CDC42EP5: variants seen among roughly 807,000 people sequenced by gnomAD.
The protein encoded by CDC42EP5 is CDC42 effector protein 5.
For synonymous variants in CDC42EP5, 118 were observed against 123.3 expected (o/e 0.96, Z 0.28); for missense variants, 269 against 238.0 (o/e 1.13, Z -0.86).
chr19:54,466,726 A>G (rs2084759471), intron 2 of CDC42EP5, among the ~76,000 whole-genome samples: 1 of 152,264 alleles, frequency 6.6e-6, no homozygotes, highest in Non-Finnish European at 1.5e-5. Context: ...GTTTCAAACA[A>G]TATAACAATT....
At chr19:54,465,827 G>T (rs192763578) in intron 2 of CDC42EP5, among the ~76,000 whole-genome samples, 57 of 152,102 alleles carry the variant, frequency 3.7e-4, no homozygotes, top group African/African-American at 1.3e-3. Context: ...TAGAGACGGG[G>T]TTTCACAATG....
chr19:54,469,258 T>G (rs1009201344), intron 2 of CDC42EP5, among the ~76,000 whole-genome samples: 2 of 152,082 alleles, frequency 1.3e-5, no homozygotes, highest in Admixed American at 1.3e-4. Flanking sequence ...CCTCCCAAAG[T>G]GCTGGGATTA....
intron 2 of CDC42EP5, among the ~76,000 whole-genome samples, chr19:54,466,233 AG>A (rs2084755640): frequency 1.3e-5 from 2 of 152,168 alleles, no homozygotes; most frequent in East Asian, 3.9e-4. Context: ...GCTTGAGGCC[AG>A]GAGTTCGAGA....
rs753994637 is a variant in CDC42EP5, at chr19:54,468,920, C to CTTCCTTCCTTCCTTCCTTCCTTCCTTCT, written c.-1+2624_-1+2625insAGAAGGAAGGAAGGAAGGAAGGAAGGAA. ...CCTTCCTTCCTTCCTTCCTTCCTTC[C>CTTCCTTCCTTCCTTCCTTCCTTCCTTCT]TTCTTTCTTTCTTTTCTTCCCTCCC... On this transcript the variant is annotated intron_variant, in intron 2 of 2. Transcript: ENST00000301200. 3.4e-4 allele frequency among the ~76,000 whole-genome samples: 42 copies of CTTCCTTCCTTCCTTCCTTCCTTCCTTCT among 124,008 alleles called. No homozygotes were observed. The South Asian group carries it at 5.3e-3, about 16-fold the overall frequency. The allele number at this position is 124,008 out of a possible 152,430, so 81.4% of individuals were successfully genotyped here. A position where few individuals can be genotyped will look rare whatever the true frequency, so the allele number is the denominator to read the frequency against.
chr19:54,470,415 G>C (rs2084818640), intron 2 of CDC42EP5, among the ~76,000 whole-genome samples: 1 of 147,970 alleles, frequency 6.8e-6, no homozygotes, highest in African/African-American at 2.5e-5. Context: ...GAAAAAGAGA[G>C]AGAAGGAAAG....
At chr19:54,470,333 C>G (rs987397047) in intron 2 of CDC42EP5, among the ~76,000 whole-genome samples, 1 of 151,412 alleles carries the variant, frequency 6.6e-6, no homozygotes, top group Non-Finnish European at 1.5e-5. Context: ...GATCGTCCCA[C>G]CGCACTTCAG....
At chr19:54,471,918 C>A (rs2084842871) in intron 1 of CDC42EP5, among the ~76,000 whole-genome samples, 1 of 96,726 alleles carries the variant, frequency 1.0e-5, no homozygotes, top group Non-Finnish European at 2.2e-5. Context: ...ACCCCCAGCC[C>A]CTCCTCCCTC....
intron 2 of CDC42EP5, among the ~76,000 whole-genome samples, chr19:54,469,614 G>A (rs531727512): frequency 6.6e-6 from 1 of 152,340 alleles, no homozygotes; most frequent in East Asian, 1.9e-4. Context: ...AGAATTGGTG[G>A]AGGGATATGT....
chr19:54,465,583 C>T (rs563419972), intron 2 of CDC42EP5, 36 bp from the exon 3 acceptor site: 4 of 1,422,608 alleles, frequency 2.8e-6, no homozygotes, highest in African/African-American at 1.5e-5. Context: ...GCGGCCCCAG[C>T]CCGGGGCTCG....
At chr19:54,469,391 C>A (rs1337370223) in intron 2 of CDC42EP5, among the ~76,000 whole-genome samples, 1 of 152,126 alleles carries the variant, frequency 6.6e-6, no homozygotes, top group Admixed American at 6.6e-5. Context: ...AAAAAAAATC[C>A]TCTCTAGCTG....
Position 54,465,518 on chromosome 19 carries a change from C to T in CDC42EP5, c.30G>A (p.Ala10=). ...CGCGATCAGGCCGCTTCTTGGGCTG[C>T]GCGGGGCCCAGCTGCTTCAGCACGG... MPVLKQLGP[A]QPKKRPDRGA... Residue 10 remains alanine (A), a synonymous_variant, in exon 3 of 3, where the codon GCG becomes GCA. Transcript: ENST00000301200. 2 of 1,537,964 alleles carry T rather than the reference C, an allele frequency of 1.3e-6. No individual in the cohort carries two copies. The highest frequency in any genetic ancestry group is 8.7e-7 in the Non-Finnish European group (1 of 1,154,386).
chr19:54,467,698 T>G (rs2084774732), intron 2 of CDC42EP5, among the ~76,000 whole-genome samples: 1 of 152,086 alleles, frequency 6.6e-6, no homozygotes, highest in African/African-American at 2.4e-5. Flanking sequence ...AATTTTTGTA[T>G]TTTTAGTAGA....
At chr19:54,467,319 G>T (rs866273832) in intron 2 of CDC42EP5, among the ~76,000 whole-genome samples, 1 of 151,118 alleles carries the variant, frequency 6.6e-6, no homozygotes, top group East Asian at 2.0e-4. Context: ...TGGTTGTGGT[G>T]GTGCATGCCT....
At chr19:54,472,578 C>A (rs1211430994) in intron 1 of CDC42EP5, among the ~76,000 whole-genome samples, 11 of 30,660 alleles carry the variant, frequency 3.6e-4, no homozygotes, top group Non-Finnish European at 4.3e-4. Context: ...CCCAGGAGTC[C>A]AGGCCCCCAG....
intron 2 of CDC42EP5, among the ~76,000 whole-genome samples, chr19:54,466,325 C>G (rs2123286887): frequency 6.6e-6 from 1 of 152,224 alleles, no homozygotes; most frequent in African/African-American, 2.4e-5. Flanking sequence ...TGCCTGTAAT[C>G]CCAGCTAAAG....
chr19:54,468,019 T>G (rs538709837), intron 2 of CDC42EP5, among the ~76,000 whole-genome samples: 1 of 152,374 alleles, frequency 6.6e-6, no homozygotes, highest in East Asian at 1.9e-4. Flanking sequence ...AATAAATTAC[T>G]TTATTTCCCT....
chr19:54,469,121 A>G (rs951513048), intron 2 of CDC42EP5, among the ~76,000 whole-genome samples: 2 of 151,410 alleles, frequency 1.3e-5, no homozygotes, highest in Non-Finnish European at 1.5e-5. Flanking sequence ...CAGCCTCCCG[A>G]GTAGCTGGGA....
At chr19:54,467,791 G>C (rs1431299747) in intron 2 of CDC42EP5, among the ~76,000 whole-genome samples, 1 of 152,144 alleles carries the variant, frequency 6.6e-6, no homozygotes, top group Non-Finnish European at 1.5e-5. Flanking sequence ...CCAAAGTGTT[G>C]GGAATACAGG....
chr19:54,471,198 C>T (rs988940899), intron 2 of CDC42EP5, among the ~76,000 whole-genome samples: 4 of 152,142 alleles, frequency 2.6e-5, no homozygotes, highest in African/African-American at 9.7e-5. Flanking sequence ...CGGGGAGGCC[C>T]GGGCCGCGCG....
Sources: gnomAD v4.1 joint callset for allele counts (sites outside exome capture counted in the v4.1 genomes callset) on GRCh38, gnomAD v4.1.1 for gene constraint, MANE v1.5 for transcripts, NCBI Gene and HGNC (gene_info 2026-07-23, HGNC 2026-07-21) for gene names.